MRC2: variants seen among roughly 807,000 people sequenced by gnomAD.
MRC2 encodes the protein mannose receptor C-type 2, also known as C-type mannose receptor 2.
Under a neutral mutation model 206.2 loss-of-function variants are expected in MRC2, and 84 were observed. The observed-to-expected ratio is 0.41, with a 90% confidence interval of 0.34 to 0.49. The LOEUF is 0.49. MRC2 is among the 20% of genes least tolerant of loss of function. The pLI, the probability that MRC2 is intolerant of heterozygous loss-of-function variation, is 0.31. For synonymous variants in MRC2, 798 were observed against 800.0 expected (o/e 1.00, Z 0.04); for missense variants, 1,676 against 2,001.5 (o/e 0.84, Z 3.10).
chr17:62,645,527 ATTTTTTTTTTT>A (rs1164231785), intron 1 of MRC2, among the ~76,000 whole-genome samples: 6 of 39,554 alleles, frequency 1.5e-4, no homozygotes, highest in African/African-American at 5.3e-4. Flanking sequence ...ATATATATAT[ATTTTTTTTTTT>A]TTTTTTTTTT....
chr17:62,645,519 ATATATATATTTTTTTTT>A (rs1212144652), intron 1 of MRC2, among the ~76,000 whole-genome samples: 17 of 66,098 alleles, frequency 2.6e-4, no homozygotes, highest in African/African-American at 5.3e-4. Context: ...ATATATATAT[ATATATATATTTTTTTTT>A]TTTTTTTTTT....
At chr17:62,682,936 C>T (rs930044051) in intron 20 of MRC2, among the ~76,000 whole-genome samples, 9 of 152,014 alleles carry the variant, frequency 5.9e-5, no homozygotes, top group African/African-American at 1.7e-4. Context: ...CCACCGCGCC[C>T]GGCCTGATTG....
intron 1 of MRC2, among the ~76,000 whole-genome samples, chr17:62,657,705 C>A (rs1263164981): frequency 6.6e-6 from 1 of 152,162 alleles, no homozygotes; most frequent in Non-Finnish European, 1.5e-5. Context: ...GCACTCTGAG[C>A]TCCCTCTGCC....
Position 62,664,206 on chromosome 17 carries a change from G to A in MRC2, c.119-342G>A, listed in dbSNP as rs998354173. Among the ~76,000 whole-genome samples the A allele has an allele frequency of 7.2e-5, 11 of 151,802 alleles. No homozygotes were observed. Among genetic ancestry groups the A allele is most frequent in the Non-Finnish European group, 1.0e-4 (7 of 67,964 alleles). On this transcript the variant is annotated intron_variant, in intron 1 of 29. Transcript: ENST00000303375. This position sits in a 1 kb window ranked among gnomAD's most constrained non-coding sequence, Gnocchi z 4.7. The stretch of plus-strand genomic sequence containing the variant: ...GATCTCCTGACCTCGTGATCCGCCC[G>A]CCTCGGCCTCCCAAAGTGCTGGGAT...
Position 62,667,552 on chromosome 17 carries a change from C to G in MRC2, c.1117+19C>G. On this transcript the variant is annotated intron_variant, in intron 6 of 29. Coordinates refer to ENST00000303375, the MANE Select transcript of MRC2 (RefSeq NM_006039.5). The surrounding 1 kb of genome is among the most constrained non-coding windows in gnomAD (Gnocchi z 4.1). ...CCTCCAGGTGAGCCAGGGACTGTGCCGCAGGGTGGGGAGGGGCTCCCAGGG... is the reference window on the plus strand; with the variant it reads ...CCTCCAGGTGAGCCAGGGACTGTGCGGCAGGGTGGGGAGGGGCTCCCAGGG... 2.5e-6 allele frequency: 4 copies of G among 1,599,014 alleles called. No homozygotes were observed. The highest frequency in any genetic ancestry group is 3.4e-6 in the Non-Finnish European group (4 of 1,176,210).
Position 62,640,207 on chromosome 17 carries a change from G to A in MRC2, c.118+12287G>A, listed in dbSNP as rs1276998721. Among the ~76,000 whole-genome samples the A allele has an allele frequency of 3.9e-5, 6 of 152,116 alleles. No individual in the cohort carries two copies. The South Asian group carries it at 1.0e-3, about 26-fold the overall frequency. On this transcript the variant is annotated intron_variant, in intron 1 of 29. Transcript: ENST00000303375. ...ACAAGGAAAGTTCTGAGGACTGTGA[G>A]ACAGTCTTACAACATTTAATATGCA...
intron 2 of MRC2, among the ~76,000 whole-genome samples, chr17:62,665,405 C>T (rs1255179547): frequency 7.0e-6 from 1 of 143,654 alleles, no homozygotes; most frequent in Admixed American, 6.8e-5. Flanking sequence ...ACTCTGTCCC[C>T]CCCCCCACAA....
At chr17:62,681,779 C>G in intron 18 of MRC2, 58 bp from the exon 19 acceptor site, 2 of 1,380,516 alleles carry the variant, frequency 1.4e-6, no homozygotes, top group Non-Finnish European at 2.0e-6. Flanking sequence ...TTGCTGCATC[C>G]GGTGGAGGCC....
chr17:62,686,175 TG>T (rs941194772), intron 20 of MRC2, among the ~76,000 whole-genome samples: 1 of 152,158 alleles, frequency 6.6e-6, no homozygotes, highest in African/African-American at 2.4e-5. Flanking sequence ...GAATCTTGGC[TG>T]GGCGCGGTGG....
rs551826283 is a variant in MRC2, at chr17:62,638,226, A to AT, written c.118+10316dup. 6.4e-4 allele frequency among the ~76,000 whole-genome samples: 96 copies of AT among 150,710 alleles called. 1 individual carries two copies. The highest frequency in any genetic ancestry group is 1.3e-3 in the South Asian group (6 of 4,762). ...AAAAGAAAGACAAGTGTTCCAAAGA[A>AT]TTTTTTTTTTAATAGAAAGGCAATG... On this transcript the variant is annotated intron_variant, in intron 1 of 29. Coordinates refer to ENST00000303375, the MANE Select transcript of MRC2 (RefSeq NM_006039.5).
Position 62,672,441 on chromosome 17 carries a change from C to G in MRC2, c.1461+289C>G, listed in dbSNP as rs2088837791. ...TTCTCGTGAAACCTTAGGCACAGTGCCTGGCGCATTCTTGGTCTCCTCCCA... is the reference window on the plus strand; with the variant it reads ...TTCTCGTGAAACCTTAGGCACAGTGGCTGGCGCATTCTTGGTCTCCTCCCA... On this transcript the variant is annotated intron_variant, in intron 8 of 29. Coordinates refer to ENST00000303375, the MANE Select transcript of MRC2 (RefSeq NM_006039.5). This position sits in a 1 kb window ranked among gnomAD's most constrained non-coding sequence, Gnocchi z 4.5. Among the ~76,000 whole-genome samples the G allele has an allele frequency of 6.6e-6, 1 of 152,118 alleles. No homozygotes were observed. Among genetic ancestry groups the G allele is most frequent in the African/African-American group, 2.4e-5 (1 of 41,394 alleles).
chr17:62,672,302 C>A lies in MRC2; in HGVS notation c.1461+150C>A. ...CCCCCTCCTCCCCACCAATGCCTTC[C>A]CTTCCATGTGAGAGACTGCCGGGGC... On this transcript the variant is annotated intron_variant, in intron 8 of 29. Transcript: ENST00000303375. This position sits in a 1 kb window ranked among gnomAD's most constrained non-coding sequence, Gnocchi z 4.5. 1.1e-6 allele frequency: 1 copy of A among 917,816 alleles called. No homozygotes were observed. The highest frequency in any genetic ancestry group is 1.6e-6 in the Non-Finnish European group (1 of 607,574). 56.9% of individuals were successfully genotyped at this position (917,816 alleles called of 1,614,324 possible). A position where few individuals can be genotyped will look rare whatever the true frequency, so the allele number is the denominator to read the frequency against.
chr17:62,673,507 CTTT>C lies in MRC2; in HGVS notation c.1462-539_1462-537del, dbSNP rs55974246. Among the ~76,000 whole-genome samples, 416 of 119,650 alleles carry C rather than the reference CTTT, an allele frequency of 3.5e-3. 1 individual carries two copies. The highest frequency in any genetic ancestry group is 7.2e-3 in the African/African-American group (225 of 31,294). The allele number at this position is 119,650 out of a possible 152,430, so 78.5% of individuals were successfully genotyped here. A position where few individuals can be genotyped will look rare whatever the true frequency, so the allele number is the denominator to read the frequency against. On this transcript the variant is annotated intron_variant, in intron 8 of 29. Coordinates refer to ENST00000303375, the MANE Select transcript of MRC2 (RefSeq NM_006039.5). ...TCAATAATGTAAAAGGACGCCTTTC[CTTT>C]TTTTTTTTTTTTTTTTGAGATGGAG... is the stretch of plus-strand genomic sequence containing the variant.
intron 24 of MRC2, 25 bp downstream of exon 24, chr17:62,689,785 G>C: frequency 6.5e-7 from 1 of 1,533,262 alleles, no homozygotes. Context: ...CTTTTGCCCT[G>C]GGCCCCAGCC....
Position 62,666,372 on chromosome 17 carries a change from A to C in MRC2, c.695-83A>C. 6.3e-7 allele frequency: 1 copy of C among 1,599,726 alleles called. No homozygotes were observed. Among genetic ancestry groups the C allele is most frequent in the Non-Finnish European group, 8.5e-7 (1 of 1,174,518 alleles). On this transcript the variant is annotated intron_variant, in intron 3 of 29. Coordinates refer to ENST00000303375, the MANE Select transcript of MRC2 (RefSeq NM_006039.5). The surrounding 1 kb of genome is among the most constrained non-coding windows in gnomAD (Gnocchi z 5.0). Reference sequence around the variant, plus strand: ...TGAGATACTGCCCCCTCCCCTACCTAGTGTAGCCTTTTGGTGGGGGAGGGT... The same window carrying C: ...TGAGATACTGCCCCCTCCCCTACCTCGTGTAGCCTTTTGGTGGGGGAGGGT...
At chr17:62,685,205 A>G (rs1453120988) in intron 20 of MRC2, among the ~76,000 whole-genome samples, 3 of 152,126 alleles carry the variant, frequency 2.0e-5, no homozygotes, top group Non-Finnish European at 2.9e-5. Flanking sequence ...TAAAAAATTA[A>G]GGCATGTATA....
chr17:62,661,366 C>T (rs2088677245), intron 1 of MRC2, among the ~76,000 whole-genome samples: 1 of 152,146 alleles, frequency 6.6e-6, no homozygotes, highest in South Asian at 2.1e-4. Context: ...ATTTAAGAGG[C>T]AATTGCATTT....
At chr17:62,655,415 G>A (rs539044890) in intron 1 of MRC2, among the ~76,000 whole-genome samples, 21 of 151,984 alleles carry the variant, frequency 1.4e-4, no homozygotes, top group South Asian at 8.3e-4. Context: ...GGTGGCGGGC[G>A]CCTGTAGTCC....
Position 62,652,210 on chromosome 17 carries a change from C to T in MRC2, c.119-12338C>T, listed in dbSNP as rs974853375. Among the ~76,000 whole-genome samples the T allele has an allele frequency of 1.3e-5, 2 of 152,226 alleles. No homozygotes were observed. The highest frequency in any genetic ancestry group is 2.9e-5 in the Non-Finnish European group (2 of 68,046). ...ATGGATGTCTCCTAATAAAGTCACG[C>T]AGTCACTCACTGGTTCGTCCTCAAT... On this transcript the variant is annotated intron_variant, in intron 1 of 29. Transcript: ENST00000303375. The surrounding 1 kb of genome is among the most constrained non-coding windows in gnomAD (Gnocchi z 4.6).
Sources: allele counts gnomAD v4.1 joint callset (sites outside exome capture counted in the v4.1 genomes callset), GRCh38; gene constraint gnomAD v4.1.1; non-coding constraint Gnocchi (gnomAD v3.1); transcripts MANE v1.5; gene names NCBI Gene and HGNC (gene_info 2026-07-23, HGNC 2026-07-21).